IDE: variants seen among roughly 807,000 people sequenced by gnomAD.
IDE encodes insulin-degrading enzyme.
Under a neutral mutation model 133.2 loss-of-function variants are expected in IDE, and 58 were observed. That is an observed-to-expected ratio of 0.44 (90% CI 0.35 to 0.54). The LOEUF is 0.54. Among genes scored for constraint, IDE ranks in the 20% least tolerant of loss-of-function variants. IDE has a pLI of 0.00. For synonymous variants in IDE, 396 were observed against 421.3 expected (o/e 0.94, Z 0.73); for missense variants, 981 against 1,234.0 (o/e 0.79, Z 3.07).
At chr10:92,540,447 G>T (rs975411468) in intron 1 of IDE, among the ~76,000 whole-genome samples, 2 of 152,142 alleles carry the variant, frequency 1.3e-5, no homozygotes, top group African/African-American at 4.8e-5. Flanking sequence ...CCTCCATTAA[G>T]ACACCCAGCA....
At position 92,573,924 on chromosome 10, in the gene IDE, A is replaced by C. The variant is rs1843927441; in HGVS notation, c.96T>G (p.Cys32Trp). The stretch of plus-strand genomic sequence containing the variant: ...CCCGGGCGCTCCATTCCGCTTACCC[A>C]CACAGGCGCTCCGGAGGCGGCAGGC... ...GARLPPPERL[C>W]GFQKKTYSKM... is the part of the protein sequence containing the mutation. The change falls in exon 1 of 25, where the codon TGT becomes TGG. Residue 32 changes from cysteine (C) to tryptophan (W), a missense_variant and splice_region_variant. Cys to Trp is a radical substitution (Grantham distance 215, BLOSUM62 -2). This residue lies in a region of IDE where 321 missense variants were observed against 339.3 expected (regional missense o/e 0.95). Coordinates refer to ENST00000265986, the MANE Select transcript of IDE (RefSeq NM_004969.4). 1 of 1,465,030 alleles carries C rather than the reference A, an allele frequency of 6.8e-7. No homozygotes were observed. The highest frequency in any genetic ancestry group is 3.1e-5 in the Admixed American group (1 of 32,334). 90.8% of individuals were successfully genotyped at this position (1,465,030 alleles called of 1,614,324 possible).
At chr10:92,473,544 A>G (rs995026684) in intron 17 of IDE, among the ~76,000 whole-genome samples, 1 of 152,082 alleles carries the variant, frequency 6.6e-6, no homozygotes, top group Non-Finnish European at 1.5e-5. Flanking sequence ...GATTCTAGGG[A>G]AAAAAACAAC....
chr10:92,480,860 T>G (rs1016438203), intron 14 of IDE: 39 of 777,034 alleles, frequency 5.0e-5, no homozygotes, highest in Non-Finnish European at 5.8e-5. Context: ...TCCCAAAATG[T>G]TAGGATTACA....
intron 10 of IDE, among the ~76,000 whole-genome samples, chr10:92,506,113 A>T (rs1324260194): frequency 6.6e-6 from 1 of 152,230 alleles, no homozygotes; most frequent in African/African-American, 2.4e-5. Context: ...GATAGCTCAG[A>T]CTAGGATGGT....
chr10:92,456,088 A>G (rs1049934086), intron 23 of IDE, among the ~76,000 whole-genome samples: 4 of 152,214 alleles, frequency 2.6e-5, no homozygotes, highest in African/African-American at 9.6e-5. Context: ...CCCCACATGC[A>G]GTGGTTCATG....
At chr10:92,540,833 G>C (rs1842265694) in intron 1 of IDE, among the ~76,000 whole-genome samples, 1 of 151,868 alleles carries the variant, frequency 6.6e-6, no homozygotes, top group Non-Finnish European at 1.5e-5. Flanking sequence ...CTTTTTTTCA[G>C]GGTTTCAACT....
chr10:92,573,583 C>T (rs537448905), intron 1 of IDE, among the ~76,000 whole-genome samples: 1 of 152,330 alleles, frequency 6.6e-6, no homozygotes, highest in East Asian at 1.9e-4. Context: ...GGGAGAGTGA[C>T]GCGGCGCGGC....
intron 1 of IDE, among the ~76,000 whole-genome samples, chr10:92,555,923 C>A (rs1243546537): frequency 6.6e-6 from 1 of 152,072 alleles, no homozygotes; most frequent in African/African-American, 2.4e-5. Flanking sequence ...CCTGTAATCC[C>A]AGCACTTTGG....
intron 4 of IDE, among the ~76,000 whole-genome samples, chr10:92,524,633 A>G (rs941890946): frequency 7.1e-6 from 1 of 140,462 alleles, no homozygotes; most frequent in Non-Finnish European, 1.5e-5. Flanking sequence ...TTCAACATAA[A>G]CAAATCAGGC....
At chr10:92,472,797 C>T (rs1159089290) in intron 17 of IDE, among the ~76,000 whole-genome samples, 3 of 151,794 alleles carry the variant, frequency 2.0e-5, no homozygotes, top group Non-Finnish European at 4.4e-5. Flanking sequence ...CGCCACCATG[C>T]CCAGCTAATT....
At chr10:92,547,227 C>T (rs1404792033) in intron 1 of IDE, among the ~76,000 whole-genome samples, 1 of 147,910 alleles carries the variant, frequency 6.8e-6, no homozygotes, top group Non-Finnish European at 1.5e-5. Flanking sequence ...GCATACGCCA[C>T]CATGCCCGGC....
At chr10:92,544,562 TGCTGAAGGAAA>T in intron 1 of IDE, among the ~76,000 whole-genome samples, 1 of 152,200 alleles carries the variant, frequency 6.6e-6, no homozygotes, top group Non-Finnish European at 1.5e-5. Context: ...ACAGAGGTGG[TGCTGAAGGAAA>T]TCATACACTG....
chr10:92,517,748 A>C (rs1589459106), intron 4 of IDE, among the ~76,000 whole-genome samples: 1 of 152,008 alleles, frequency 6.6e-6, no homozygotes, highest in Non-Finnish European at 1.5e-5. Flanking sequence ...GCATCACTTG[A>C]GGCCAGGAGT....
At chr10:92,466,786 T>C (rs916459178) in intron 19 of IDE, among the ~76,000 whole-genome samples, 1 of 151,716 alleles carries the variant, frequency 6.6e-6, no homozygotes, top group Non-Finnish European at 1.5e-5. Context: ...CCCAGCTAAT[T>C]TTTGTATTTT....
At chr10:92,535,440 G>C (rs888048679) in intron 2 of IDE, among the ~76,000 whole-genome samples, 2 of 151,752 alleles carry the variant, frequency 1.3e-5, no homozygotes, top group African/African-American at 4.8e-5. Context: ...CATTGCAGGA[G>C]ACTATACAGC....
chr10:92,550,697 C>T (rs1342682163), intron 1 of IDE, among the ~76,000 whole-genome samples: 1 of 150,088 alleles, frequency 6.7e-6, no homozygotes, highest in Non-Finnish European at 1.5e-5. Context: ...TGGTGAAACC[C>T]CGTTTCTACT....
intron 11 of IDE, among the ~76,000 whole-genome samples, chr10:92,503,941 C>T (rs1411389798): frequency 6.6e-6 from 1 of 152,040 alleles, no homozygotes; most frequent in African/African-American, 2.4e-5. Context: ...TGGTCTCGAA[C>T]TCCCGACCTC....
chr10:92,544,376 G>A (rs1842448146), intron 1 of IDE, among the ~76,000 whole-genome samples: 1 of 152,086 alleles, frequency 6.6e-6, no homozygotes, highest in African/African-American at 2.4e-5. Flanking sequence ...ACAGCTGTTC[G>A]CAGTCATCCT....
At position 92,452,088 on chromosome 10, in the gene IDE, AAC is replaced by A. The variant is rs1165318852; in HGVS notation, c.*2354_*2355del. 1 of 152,214 alleles carries A rather than the reference AAC, an allele frequency of 6.6e-6. No homozygotes were observed. 9.4% of individuals were successfully genotyped at this position (152,214 alleles called of 1,614,324 possible). A position where few individuals can be genotyped will look rare whatever the true frequency, so the allele number is the denominator to read the frequency against. ...TTGACAAAAATCATTGTTACCCAGA[AAC>A]ACTTTTAAAATGTTAATATAATTCA... is the stretch of plus-strand genomic sequence containing the variant. On this transcript the variant is annotated 3_prime_UTR_variant, in exon 25 of 25. Transcript: ENST00000265986.
Sources: gnomAD v4.1 joint callset for allele counts (sites outside exome capture counted in the v4.1 genomes callset) on GRCh38, gnomAD v4.1.1 for gene constraint, gnomAD v4.1.1 regional missense constraint, MANE v1.5 for transcripts, NCBI Gene and HGNC (gene_info 2026-07-23, HGNC 2026-07-21) for gene names.